The following ATRX variants were observed in gnomAD, a reference collection of about 807,000 sequenced individuals.
ATRX encodes the protein ATRX chromatin remodeler.
A neutral mutation model predicts 172.6 loss-of-function variants in ATRX; 12 were observed. The observed-to-expected ratio is 0.07, with a 90% CI of 0.04 to 0.11. The LOEUF is 0.11. Ranked by LOEUF, ATRX falls within the 10% of genes least tolerant of loss-of-function variation. The pLI is 1.00. For synonymous variants in ATRX, 674 were observed against 594.7 expected (o/e 1.13, Z -1.94); for missense variants, 1,368 against 1,767.4 (o/e 0.77, Z 4.05).
At chrX:77,563,323 A>G (rs782303586) in intron 28 of ATRX, among the ~76,000 whole-genome samples, 1 of 112,691 alleles carries the variant, frequency 8.9e-6, no homozygotes, top group East Asian at 2.8e-4. Context: ...TTGTTTCAAT[A>G]CCAGTTTTTG....
At position 77,683,508 on chromosome X, in the gene ATRX, G is replaced by C. The variant is rs2148615636; in HGVS notation, c.1748C>G (p.Thr583Arg). 1 of 1,208,680 alleles carries C rather than the reference G, an allele frequency of 8.3e-7. No homozygotes were observed. Among genetic ancestry groups the C allele is most frequent in the Non-Finnish European group, 1.1e-6 (1 of 892,936 alleles). ...AGTGAGTTTAACATATAATTCTTTT[G>C]TTACTTTAGCTGTAGTTTTTGATTT... ...GIKSKTTAKV[T>R]KELYVKLTPV... is the part of the protein sequence containing the mutation. Residue 583 changes from threonine (T) to arginine (R), a missense_variant, in exon 9 of 35, where the codon ACA becomes AGA. Thr to Arg is a moderately conservative substitution (Grantham distance 71). This residue lies in a region of ATRX where 843 missense variants were observed against 643.1 expected (regional missense o/e 1.31). Coordinates refer to ENST00000373344, the MANE Select transcript of ATRX (RefSeq NM_000489.6).
At chrX:77,665,543 A>ATTACT (rs2070189051) in intron 10 of ATRX, among the ~76,000 whole-genome samples, 1 of 111,835 alleles carries the variant, frequency 8.9e-6, no homozygotes, top group South Asian at 3.7e-4. Context: ...TTGCTAATGG[A>ATTACT]AAAATCAATT....
intron 15 of ATRX, among the ~76,000 whole-genome samples, chrX:77,637,027 A>AAGGAAGGAGG (rs1250428293): frequency 4.7e-4 from 48 of 101,810 alleles, no homozygotes; most frequent in African/African-American, 1.6e-3. Flanking sequence ...GAGGAAGAAG[A>AAGGAAGGAGG]AGGAAGGAGG....
At chrX:77,717,672 C>T (rs1459137377) in intron 1 of ATRX, among the ~76,000 whole-genome samples, 2 of 109,193 alleles carry the variant, frequency 1.8e-5, no homozygotes, top group African/African-American at 6.7e-5. Flanking sequence ...CCTACCTGTA[C>T]ACTTACCTAG....
At chrX:77,702,168 C>T (rs1459766923) in intron 2 of ATRX, among the ~76,000 whole-genome samples, 4 of 112,443 alleles carry the variant, frequency 3.6e-5, no homozygotes, top group African/African-American at 9.7e-5. Context: ...ATAGGCTGGG[C>T]GCAGTGGCTC....
At chrX:77,550,464 C>T (rs185155200) in intron 30 of ATRX, among the ~76,000 whole-genome samples, 131 of 111,385 alleles carry the variant, frequency 1.2e-3, no homozygotes, top group African/African-American at 4.2e-3. Flanking sequence ...TGGGACGTAT[C>T]TCAAAATAAT....
chrX:77,659,482 TACAC>T (rs72145948), intron 12 of ATRX, among the ~76,000 whole-genome samples: 12,243 of 88,182 alleles, frequency 0.14, 701 homozygotes, highest in Non-Finnish European at 0.17. Flanking sequence ...TTTCTCTCTC[TACAC>T]ACACACACAC....
chrX:77,677,713 T>C (rs1557134476), intron 9 of ATRX, among the ~76,000 whole-genome samples: 1 of 106,954 alleles, frequency 9.3e-6, no homozygotes, highest in East Asian at 2.9e-4. Context: ...TTATGCAAAA[T>C]AAAAAGCTAA....
intron 15 of ATRX, among the ~76,000 whole-genome samples, chrX:77,644,843 T>C (rs1472068454): frequency 9.0e-6 from 1 of 111,448 alleles, no homozygotes; most frequent in Admixed American, 9.5e-5. Context: ...AATTATTTGA[T>C]GAAATAATTG....
At chrX:77,546,933 T>G (rs1557053630) in intron 30 of ATRX, among the ~76,000 whole-genome samples, 1 of 112,269 alleles carries the variant, frequency 8.9e-6, no homozygotes, top group Admixed American at 9.5e-5. Flanking sequence ...ATAGCACATT[T>G]TTATTGAATA....
At chrX:77,649,690 A>G (rs1421273536) in intron 15 of ATRX, among the ~76,000 whole-genome samples, 1 of 111,533 alleles carries the variant, frequency 9.0e-6, no homozygotes, top group African/African-American at 3.3e-5. Context: ...GTCTCACAAG[A>G]TCTATAGTTT....
intron 28 of ATRX, among the ~76,000 whole-genome samples, chrX:77,573,789 T>C (rs1192068562): frequency 1.8e-5 from 2 of 111,583 alleles, no homozygotes; most frequent in Non-Finnish European, 3.8e-5. Context: ...GTACACTTAC[T>C]ATATGACCCA....
intron 30 of ATRX, among the ~76,000 whole-genome samples, chrX:77,528,041 T>C (rs369869935): frequency 0.063 from 79 of 1,245 alleles, 1 homozygote; most frequent in Admixed American, 0.12. Flanking sequence ...CTGGGGGTGG[T>C]GGGGGGGTGG....
At chrX:77,600,617 T>C in intron 22 of ATRX, 53 bp from the exon 23 acceptor site, 1 of 1,166,538 alleles carries the variant, frequency 8.6e-7, no homozygotes, top group Middle Eastern at 2.4e-4. Context: ...ATCAACCAAG[T>C]TTCTAGATTA....
rs781969127 is a variant in ATRX, at chrX:77,664,797, T to TA, written c.3810-20dup. On this transcript the variant is annotated intron_variant, in intron 10 of 34. Coordinates refer to ENST00000373344, the MANE Select transcript of ATRX (RefSeq NM_000489.6). ...GGCAATTCTTGAGAGTAAAAAACAA[T>TA]AAAAAAAGAACTATATATCTGGGGG... is the stretch of plus-strand genomic sequence containing the variant. 24 of 1,178,938 alleles carry TA rather than the reference T, an allele frequency of 2.0e-5. No homozygotes were observed. The highest frequency in any genetic ancestry group is 3.6e-5 in the African/African-American group (2 of 55,931).
chrX:77,626,050 TATATA>T (rs2067829615), intron 19 of ATRX, among the ~76,000 whole-genome samples: 3 of 35,462 alleles, frequency 8.5e-5, no homozygotes, highest in Non-Finnish European at 1.2e-4. Context: ...TATATATATA[TATATA>T]TATATATATA....
At chrX:77,733,416 T>C (rs980895372) in intron 1 of ATRX, among the ~76,000 whole-genome samples, 2 of 111,207 alleles carry the variant, frequency 1.8e-5, no homozygotes, top group Admixed American at 1.9e-4. Flanking sequence ...CACAGAGTTA[T>C]AGTAACCAAA....
intron 30 of ATRX, among the ~76,000 whole-genome samples, chrX:77,524,479 T>C (rs1308107332): frequency 9.0e-6 from 1 of 111,436 alleles, no homozygotes; most frequent in African/African-American, 3.3e-5. Flanking sequence ...TAATTATGCC[T>C]TTACACACCT....
At chrX:77,647,290 C>T (rs1277454312) in intron 15 of ATRX, among the ~76,000 whole-genome samples, 1 of 111,462 alleles carries the variant, frequency 9.0e-6, no homozygotes, top group Non-Finnish European at 1.9e-5. Context: ...GGATTTACAG[C>T]GATAAAGGCA....
Sources: gnomAD v4.1 joint callset for allele counts (sites outside exome capture counted in the v4.1 genomes callset) on GRCh38, gnomAD v4.1.1 for gene constraint, gnomAD v4.1.1 regional missense constraint, MANE v1.5 for transcripts, NCBI Gene and HGNC (gene_info 2026-07-23, HGNC 2026-07-21) for gene names.